ZNF429: variants seen among roughly 807,000 people sequenced by gnomAD.
ZNF429 encodes zinc finger protein 429.
A neutral mutation model predicts 56.8 loss-of-function variants in ZNF429; 53 were observed. The observed-to-expected ratio is 0.93, with a 90% CI of 0.75 to 1.17. The LOEUF (loss-of-function observed/expected upper bound fraction) is 1.17, where lower values mean the gene tolerates loss of function less well. Ranked by LOEUF, ZNF429 falls within the 50% of genes most tolerant of loss-of-function variation. ZNF429 has a pLI of 0.00. For synonymous variants in ZNF429, 278 were observed against 264.7 expected (o/e 1.05, Z -0.49); for missense variants, 849 against 788.4 (o/e 1.08, Z -0.92).
chr19:21,508,242 TG>T (rs1286606193), intron 1 of ZNF429, among the ~76,000 whole-genome samples: 1 of 140,690 alleles, frequency 7.1e-6, no homozygotes, highest in Non-Finnish European at 1.5e-5. Flanking sequence ...AAACTCCATC[TG>T]AAAAAAAAAA....
Position 21,536,888 on chromosome 19 carries a change from C to T in ZNF429, c.835C>T (p.His279Tyr). ...YSTLTTHKRI[H>Y]SGEKPYKCDE... ...AACCCTTACTACCCATAAGAGAATT[C>T]ATTCTGGAGAGAAGCCCTACAAATG... The change falls in exon 4 of 4, where the codon CAT becomes TAT. Residue 279 changes from histidine to tyrosine, a missense_variant. By Grantham distance (83) the His-to-Tyr change is moderately conservative (BLOSUM62 2). Transcript: ENST00000358491. 2 of 1,612,274 alleles carry T rather than the reference C, an allele frequency of 1.2e-6. No individual in the cohort carries two copies. The highest frequency in any genetic ancestry group is 1.7e-6 in the Non-Finnish European group (2 of 1,179,148).
At chr19:21,527,716 T>A (rs1387046175) in intron 1 of ZNF429, among the ~76,000 whole-genome samples, 1 of 152,170 alleles carries the variant, frequency 6.6e-6, no homozygotes, top group African/African-American at 2.4e-5. Flanking sequence ...TTTTTGCAAG[T>A]CTTGATTCTT....
chr19:21,507,301 C>G (rs986585787), intron 1 of ZNF429, among the ~76,000 whole-genome samples: 3 of 152,182 alleles, frequency 2.0e-5, no homozygotes, highest in Non-Finnish European at 2.9e-5. Flanking sequence ...AATGCCAACT[C>G]CCACTACTCC....
At chr19:21,512,069 AAG>A (rs2032509288) in intron 1 of ZNF429, among the ~76,000 whole-genome samples, 3 of 152,100 alleles carry the variant, frequency 2.0e-5, no homozygotes, top group Admixed American at 6.6e-5. Flanking sequence ...AGACCATGGA[AAG>A]AGGGAGAGGG....
In ZNF429 at chr19:21,534,822, T is replaced by G; in HGVS notation, c.227-1458T>G. On this transcript the variant is annotated intron_variant, in intron 3 of 3. Coordinates refer to ENST00000358491, the MANE Select transcript of ZNF429 (RefSeq NM_001001415.4). ...TTTTTTTTTGTTCGTTTGTTTGTTT[T>G]TTTTTGAGACGGAGTATCGCTCTGT... Among the ~76,000 whole-genome samples, 658 of 151,528 alleles carry G rather than the reference T, an allele frequency of 4.3e-3. 2 individuals are homozygous for G. The highest frequency in any genetic ancestry group is 6.7e-3 in the Non-Finnish European group (455 of 67,822).
chr19:21,531,224 A>C, intron 3 of ZNF429, among the ~76,000 whole-genome samples: 12 of 152,158 alleles, frequency 7.9e-5, no homozygotes, highest in African/African-American at 2.9e-4. Context: ...GGGATTAACA[A>C]CTACCAAAAC....
At chr19:21,515,240 CTTT>C (rs35926199) in intron 1 of ZNF429, among the ~76,000 whole-genome samples, 1 of 128,122 alleles carries the variant, frequency 7.8e-6, no homozygotes, top group Non-Finnish European at 1.6e-5. Context: ...TGTGCCTGGC[CTTT>C]TTTTTTTTTT....
At chr19:21,530,513 C>A in intron 2 of ZNF429, 76 bp from the exon 3 acceptor site, 1 of 968,612 alleles carries the variant, frequency 1.0e-6, no homozygotes, top group Non-Finnish European at 1.5e-6. Context: ...ATTACATCCT[C>A]TTTACTGAGC....
Position 21,530,612 on chromosome 19 carries a change from C to T in ZNF429, c.154C>T (p.Leu52=). ...AGGTATTGCTGTTTCTAAGCCAGACCTAATCACTTGTCTAGAGAAAGAAAA... is the reference window on the plus strand; with the variant it reads ...AGGTATTGCTGTTTCTAAGCCAGACTTAATCACTTGTCTAGAGAAAGAAAA... ...FLGIAVSKPD[L]ITCLEKEKEP... is the part of the protein sequence containing the mutation. Residue 52 remains leucine (L), a synonymous_variant, in exon 3 of 4, where the codon CTA becomes TTA. Transcript: ENST00000358491. 3 of 1,609,524 alleles carry T rather than the reference C, an allele frequency of 1.9e-6. No homozygotes were observed. Among genetic ancestry groups the T allele is most frequent in the Non-Finnish European group, 2.5e-6 (3 of 1,177,938 alleles).
intron 3 of ZNF429, among the ~76,000 whole-genome samples, chr19:21,531,160 C>A: frequency 6.9e-6 from 1 of 145,826 alleles, no homozygotes; most frequent in African/African-American, 2.5e-5. Flanking sequence ...GTCTTGGTGA[C>A]TGCCCTACAG....
chr19:21,526,606 A>G (rs1235763303), intron 1 of ZNF429, among the ~76,000 whole-genome samples: 1 of 152,244 alleles, frequency 6.6e-6, no homozygotes, highest in Non-Finnish European at 1.5e-5. Flanking sequence ...CTATGTAGTT[A>G]TCTCTTGAAA....
intron 3 of ZNF429, among the ~76,000 whole-genome samples, chr19:21,532,354 C>A: frequency 1.3e-5 from 2 of 151,822 alleles, no homozygotes; most frequent in African/African-American, 2.4e-5. Flanking sequence ...CATCATACTT[C>A]ATAATGTCAA....
At chr19:21,535,555 C>T in intron 3 of ZNF429, among the ~76,000 whole-genome samples, 4 of 148,736 alleles carry the variant, frequency 2.7e-5, no homozygotes, top group South Asian at 2.1e-4. Flanking sequence ...TGCTCTGTTG[C>T]CCAGGCTGGA....
At chr19:21,519,048 T>G (rs1231781322) in intron 1 of ZNF429, 1 of 152,120 alleles carries the variant, frequency 6.6e-6, no homozygotes, top group African/African-American at 2.4e-5. Context: ...ATATGTTTAT[T>G]AGAATGATTT....
At chr19:21,510,221 C>T (rs543897411) in intron 1 of ZNF429, among the ~76,000 whole-genome samples, 46 of 152,128 alleles carry the variant, frequency 3.0e-4, no homozygotes, top group South Asian at 6.2e-4. Context: ...GGCAAATGGA[C>T]GGTAAAAACA....
chr19:21,522,238 A>T (rs574184700), intron 1 of ZNF429, among the ~76,000 whole-genome samples: 13 of 152,336 alleles, frequency 8.5e-5, no homozygotes, highest in African/African-American at 2.6e-4. Flanking sequence ...TTATTTTGTC[A>T]TTGACTATAA....
chr19:21,509,895 CT>C (rs2032368366), intron 1 of ZNF429, among the ~76,000 whole-genome samples: 1 of 151,784 alleles, frequency 6.6e-6, no homozygotes, highest in Admixed American at 6.6e-5. Flanking sequence ...CAAAGCCTTT[CT>C]TTTCTTTTTT....
In ZNF429 at chr19:21,535,327, C is replaced by T; in HGVS notation, c.227-953C>T. Among the ~76,000 whole-genome samples the T allele has an allele frequency of 1.9e-4, 22 of 116,292 alleles. 1 individual carries two copies. The highest frequency in any genetic ancestry group is 4.1e-3 in the Middle Eastern group (1 of 246). The allele number at this position is 116,292 out of a possible 152,430, so 76.3% of individuals were successfully genotyped here. On this transcript the variant is annotated intron_variant, in intron 3 of 3. Coordinates refer to ENST00000358491, the MANE Select transcript of ZNF429 (RefSeq NM_001001415.4). ...TCTTTCTTTCTTTCTTTCTTTCTTTCTCTTTTCTTTTCTTTCCTTTCCTTT... is the reference window on the plus strand; with the variant it reads ...TCTTTCTTTCTTTCTTTCTTTCTTTTTCTTTTCTTTTCTTTCCTTTCCTTT...
At chr19:21,506,439 CAAACAAAAAAAAA>C (rs2032154323) in intron 1 of ZNF429, among the ~76,000 whole-genome samples, 1 of 41,458 alleles carries the variant, frequency 2.4e-5, no homozygotes, top group East Asian at 7.3e-4. Flanking sequence ...GAGACTATCT[CAAACAAAAAAAAA>C]AAAAAAAAAG....
Sources: gnomAD v4.1 joint callset for allele counts (sites outside exome capture counted in the v4.1 genomes callset) on GRCh38, gnomAD v4.1.1 for gene constraint, MANE v1.5 for transcripts, NCBI Gene and HGNC (gene_info 2026-07-23, HGNC 2026-07-21) for gene names.